DENND1C: variants seen among roughly 807,000 people sequenced by gnomAD.
The protein encoded by DENND1C is DENN domain-containing protein 1C.
A neutral mutation model predicts 87.9 loss-of-function variants in DENND1C; 64 were observed. The observed-to-expected ratio is 0.73, with a 90% CI of 0.60 to 0.90. DENND1C has a LOEUF of 0.90. DENND1C is among the 40% of genes least tolerant of loss of function. The pLI is 0.00. For missense variants in DENND1C, 980 were observed against 1,037.0 expected (o/e 0.95, Z 0.76); for synonymous variants, 384 against 424.4 (o/e 0.90, Z 1.17).
rs754909074 is a variant in DENND1C, at chr19:6,479,003, G to T, written c.230C>A (p.Ala77Asp). 8 of 1,614,004 alleles carry T rather than the reference G, an allele frequency of 5.0e-6. No homozygotes were observed. In the Admixed American group the frequency reaches 1.3e-4, roughly 27 times the overall value. Residue 77 changes from alanine (A) to aspartate (D), a missense_variant, in exon 5 of 23, where the codon GCC becomes GAC. Ala to Asp is a moderately radical substitution (Grantham distance 126). Coordinates refer to ENST00000381480, the MANE Select transcript of DENND1C (RefSeq NM_024898.4). ...QHFTFALTDLAGNRRFGFCRL... is the reference protein window; with the variant it reads ...QHFTFALTDLDGNRRFGFCRL... ...GCAGAAACCAAATCTGCGGTTGCCGGCAAGGTCTGTGAGGGCGAAGGTGAA... is the reference window on the plus strand; with the variant it reads ...GCAGAAACCAAATCTGCGGTTGCCGTCAAGGTCTGTGAGGGCGAAGGTGAA...
In DENND1C at chr19:6,467,688, G is replaced by A; in HGVS notation, c.2222C>T (p.Pro741Leu). The change falls in exon 23 of 23, where the codon CCC (proline) becomes CTC (leucine). Residue 741 changes from proline to leucine, a missense_variant. Pro to Leu is a moderately conservative substitution (Grantham distance 98). Coordinates refer to ENST00000381480, the MANE Select transcript of DENND1C (RefSeq NM_024898.4). ...GGCTCTGGGGTCCTCCAGAGAACTG[G>A]GGTCTGAGGAAGGATCAAGGGGCTG... ...TSQPLDPSSD[P>L]SSLEDPRARP... The A allele has an allele frequency of 2.0e-6, 3 of 1,521,472 alleles. No individual in the cohort carries two copies. Among genetic ancestry groups the A allele is most frequent in the Non-Finnish European group, 1.8e-6 (2 of 1,137,266 alleles). The allele number at this position is 1,521,472 out of a possible 1,614,324, so 94.2% of individuals were successfully genotyped here. A position where few individuals can be genotyped will look rare whatever the true frequency, so the allele number is the denominator to read the frequency against.
At position 6,470,295 on chromosome 19, in the gene DENND1C, C is replaced by T. The variant is rs763984088; in HGVS notation, c.1362G>A (p.Ser454=). 63 of 1,607,372 alleles carry T rather than the reference C, an allele frequency of 3.9e-5. No individual in the cohort carries two copies. The highest frequency in any genetic ancestry group is 3.9e-4 in the African/African-American group (29 of 74,816). Residue 454 remains serine, a splice_region_variant and synonymous_variant, in exon 18 of 23, where the codon TCG becomes TCA. Transcript: ENST00000381480. ...TQPAVKNMYR[S]AKSGLKGVQS... The stretch of plus-strand genomic sequence containing the variant: ...AGTGGCCTGTCCAGCTCAGCCTCAC[C>T]GAGCGGTACATGTTCTTGACGGCTG...
chr19:6,470,832 G>A (rs937151247), intron 17 of DENND1C, among the ~76,000 whole-genome samples: 1 of 151,800 alleles, frequency 6.6e-6, no homozygotes, highest in African/African-American at 2.4e-5. Flanking sequence ...ATGTTGGCCA[G>A]GATGGTCTCG....
At chr19:6,469,043 TTG>T in intron 19 of DENND1C, 90 bp from the exon 20 acceptor site, 1 of 765,772 alleles carries the variant, frequency 1.3e-6, no homozygotes, top group Non-Finnish European at 1.8e-6. Context: ...TTTTTTTTTT[TTG>T]TTTGAAATGA....
At chr19:6,479,103 T>G in intron 4 of DENND1C, 47 bp from the exon 5 acceptor site, 2 of 1,609,652 alleles carry the variant, frequency 1.2e-6, no homozygotes, top group Non-Finnish European at 1.7e-6. Context: ...CCCAGCTGTC[T>G]GAGGATGTCC....
chr19:6,469,215 G>C lies in DENND1C; in HGVS notation c.1408-262C>G, dbSNP rs185129327. On this transcript the variant is annotated intron_variant, in intron 19 of 22. Coordinates refer to ENST00000381480, the MANE Select transcript of DENND1C (RefSeq NM_024898.4). ...CCCAGCTAATTCTGTATTTTTAGTA[G>C]AGATGGGGTTTCACCATGTTGGTCG... Among the ~76,000 whole-genome samples, 602 of 152,162 alleles carry C rather than the reference G, an allele frequency of 4.0e-3. 4 individuals are homozygous for C. The highest frequency in any genetic ancestry group is 0.014 in the African/African-American group (581 of 41,510).
intron 18 of DENND1C, chr19:6,469,968 C>T: frequency 2.3e-6 from 1 of 441,560 alleles, no homozygotes; most frequent in Non-Finnish European, 4.1e-6. Context: ...AACTTCTGAG[C>T]TTGGGAGATA....
intron 1 of DENND1C, chr19:6,480,628 T>C (rs1913512479): frequency 2.5e-6 from 1 of 396,678 alleles, no homozygotes; most frequent in South Asian, 1.1e-4. Flanking sequence ...TTTTTTGAGA[T>C]GGAGTTTTGC....
Position 6,476,917 on chromosome 19 carries a change from C to T in DENND1C, c.618G>A (p.Gly206=). ...TCTCGGCCAGGAGCGCCGCGAACAG[C>T]CCCACGATGTTCTCGTCAGTCACGG... ...VVAVTDENIV[G]LFAALLAERR... The change falls in exon 10 of 23, where the codon GGG becomes GGA. Residue 206 remains glycine (G), a synonymous_variant. Transcript: ENST00000381480. The T allele has an allele frequency of 6.2e-7, 1 of 1,613,524 alleles. No homozygotes were observed. Among genetic ancestry groups the T allele is most frequent in the African/African-American group, 1.3e-5 (1 of 75,024 alleles).
chr19:6,476,293 T>G, intron 10 of DENND1C: 2 of 242,794 alleles, frequency 8.2e-6, no homozygotes, highest in Non-Finnish European at 1.6e-5. Context: ...GTCCCGCCCC[T>G]AGGGGTGGAT....
At position 6,467,661 on chromosome 19, in the gene DENND1C, C is replaced by T. The variant is rs199902003; in HGVS notation, c.2249G>A (p.Arg750Gln). 40 of 1,531,608 alleles carry T rather than the reference C, an allele frequency of 2.6e-5. No homozygotes were observed. The highest frequency in any genetic ancestry group is 1.7e-4 in the South Asian group (13 of 76,980). The allele number at this position is 1,531,608 out of a possible 1,614,324, so 94.9% of individuals were successfully genotyped here. Residue 750 changes from arginine to glutamine, a missense_variant, in exon 23 of 23, where the codon CGG (arginine) becomes CAG (glutamine). By Grantham distance (43) the Arg-to-Gln change is conservative. Coordinates refer to ENST00000381480, the MANE Select transcript of DENND1C (RefSeq NM_024898.4). Reference sequence around the variant, plus strand: ...CTCTGCCAGCAGGGCTTTGGGAGGCCGGGCTCTGGGGTCCTCCAGAGAACT... The same window carrying T: ...CTCTGCCAGCAGGGCTTTGGGAGGCTGGGCTCTGGGGTCCTCCAGAGAACT... ...DPSSLEDPRARPPKALLAERA... is the reference protein window; with the variant it reads ...DPSSLEDPRAQPPKALLAERA...
Position 6,468,292 on chromosome 19 carries a change from C to A in DENND1C, c.1733G>T (p.Arg578Ile). 1.2e-6 allele frequency: 2 copies of A among 1,613,736 alleles called. No individual in the cohort carries two copies. The highest frequency in any genetic ancestry group is 3.3e-4 in the Middle Eastern group (2 of 6,062). Residue 578 changes from arginine to isoleucine, a missense_variant, in exon 22 of 23, where the codon AGA becomes ATA. Physicochemically the swap from Arg to Ile is moderately conservative, Grantham distance 97 (BLOSUM62 -3). Transcript: ENST00000381480. ...ACAGCAGTCTAAACTCTGGCTCGGTCTCAGGCTGCCTGCGCTCTTGGCTCC... is the reference window on the plus strand; with the variant it reads ...ACAGCAGTCTAAACTCTGGCTCGGTATCAGGCTGCCTGCGCTCTTGGCTCC... ...SMGAKSAGSL[R>I]PSQSLDCCHR...
chr19:6,471,735 C>T (rs762108912), intron 15 of DENND1C, among the ~76,000 whole-genome samples: 4 of 152,094 alleles, frequency 2.6e-5, no homozygotes, highest in South Asian at 4.1e-4. Context: ...CTCCGCTTCC[C>T]GGGTTTAAGT....
chr19:6,473,029 T>C, intron 14 of DENND1C, 36 bp from the exon 15 acceptor site: 1 of 1,411,208 alleles, frequency 7.1e-7, no homozygotes, highest in Non-Finnish European at 9.4e-7. Flanking sequence ...CTCCCTGGGG[T>C]GCTCCTGGCC....
chr19:6,480,368 A>G (rs192343027), intron 1 of DENND1C: 120 of 1,300,290 alleles, frequency 9.2e-5, no homozygotes, highest in Admixed American at 2.7e-4. Context: ...CTGCCTGAAA[A>G]GATGAGACTG....
chr19:6,467,566 G>C lies in DENND1C; in HGVS notation c.2344C>G (p.Gln782Glu). 6.2e-7 allele frequency: 1 copy of C among 1,607,818 alleles called. No individual in the cohort carries two copies. The highest frequency in any genetic ancestry group is 8.5e-7 in the Non-Finnish European group (1 of 1,177,862). The change falls in exon 23 of 23, where the codon CAA becomes GAA. Residue 782 changes from glutamine (Q) to glutamate (E), a missense_variant. Transcript: ENST00000381480. ...NSPATPTSNC[Q>E]KSQPSSRPRV... ...GGCCGGCTGCTGGGCTGGGACTTTT[G>C]ACAGTTGCTGGTGGGTGTAGCAGGG...
rs1484118971 is a variant in DENND1C, at chr19:6,473,684, T to C, written c.1054-691A>G. 4.0e-5 allele frequency among the ~76,000 whole-genome samples: 6 copies of C among 151,892 alleles called. No individual in the cohort carries two copies. In the East Asian group the frequency reaches 9.7e-4, roughly 25 times the overall value. ...CAGGGTCTCACTGTGTTTCCCAGGC[T>C]GGTCCAAACTCCTGGGCTCAAGCAA... On this transcript the variant is annotated intron_variant, in intron 14 of 22. Transcript: ENST00000381480.
chr19:6,469,919 C>T (rs1040896215), intron 18 of DENND1C: 10 of 499,234 alleles, frequency 2.0e-5, no homozygotes, highest in African/African-American at 1.5e-4. Context: ...AGAACAAAAT[C>T]GCACGGACAA....
At chr19:6,473,488 T>G (rs2092841522) in intron 14 of DENND1C, among the ~76,000 whole-genome samples, 5 of 149,526 alleles carry the variant, frequency 3.3e-5, no homozygotes, top group Non-Finnish European at 7.4e-5. Context: ...TTTCTTTTTT[T>G]GAGTCAGGGT....
Sources: allele counts gnomAD v4.1 joint callset (sites outside exome capture counted in the v4.1 genomes callset), GRCh38; gene constraint gnomAD v4.1.1; transcripts MANE v1.5; gene names NCBI Gene and HGNC (gene_info 2026-07-23, HGNC 2026-07-21).